The following DENND2A variants were observed in gnomAD, a reference collection of about 807,000 sequenced individuals.
DENND2A encodes DENN domain containing 2A, also known as DENN domain-containing protein 2A.
A neutral mutation model predicts 105.3 loss-of-function variants in DENND2A; 53 were observed. The ratio of observed to expected loss-of-function variants is 0.50; its 90% CI spans 0.40 to 0.63. DENND2A has a LOEUF of 0.63. Ranked by LOEUF, DENND2A falls within the 30% of genes least tolerant of loss-of-function variation. DENND2A has a pLI of 0.00. For synonymous variants in DENND2A, 522 were observed against 508.4 expected (o/e 1.03, Z -0.36); for missense variants, 1,138 against 1,279.6 (o/e 0.89, Z 1.69).
At chr7:140,569,789 G>A in intron 6 of DENND2A, 51 bp from the exon 7 acceptor site, 1 of 1,317,440 alleles carries the variant, frequency 7.6e-7, no homozygotes, top group Middle Eastern at 2.0e-4. Context: ...CACTCTCTGT[G>A]GCAGCTGGGC....
chr7:140,570,587 T>C (rs1798053065), intron 6 of DENND2A, among the ~76,000 whole-genome samples: 2 of 152,070 alleles, frequency 1.3e-5, no homozygotes, highest in African/African-American at 4.8e-5. Context: ...TGCAGCCCCA[T>C]CTGCAGAGGG....
At chr7:140,525,702 A>C in intron 16 of DENND2A, 49 bp downstream of exon 16, 4 of 1,544,502 alleles carry the variant, frequency 2.6e-6, no homozygotes, top group Non-Finnish European at 3.5e-6. Context: ...CCCAAACAAC[A>C]AATAGGTAAA....
rs269243 is a variant in DENND2A, at chr7:140,601,931, G to T, written c.467C>A (p.Pro156His). ...RLGKLRFQND[P>H]LSVLKQVKKL... ...CTTGACCTGCTTCAGCACGGAGAGG[G>T]GATCGTTCTGAAAGCGTAGCTTGCC... Residue 156 changes from proline (P) to histidine (H), a missense_variant, in exon 3 of 20, where the codon CCC becomes CAC. Around this residue, in one of 2 missense-constraint regions of DENND2A, gnomAD observed 511 missense variants for 499.9 expected, o/e 1.02. Coordinates refer to ENST00000496613, the MANE Select transcript of DENND2A (RefSeq NM_015689.5). 0.95 allele frequency: 1,526,831 copies of T among 1,614,106 alleles called. 722,509 individuals carry two copies. Among genetic ancestry groups the T allele is most frequent in the East Asian group, 1 (44,847 of 44,848 alleles).
At chr7:140,563,234 C>T (rs1797701901) in intron 9 of DENND2A, among the ~76,000 whole-genome samples, 1 of 152,304 alleles carries the variant, frequency 6.6e-6, no homozygotes, top group Non-Finnish European at 1.5e-5. Flanking sequence ...CTTGCATGCA[C>T]CCACCCCAGA....
Position 140,602,547 on chromosome 7 carries a change from A to G in DENND2A, c.-145-5T>C. 2 of 687,254 alleles carry G rather than the reference A, an allele frequency of 2.9e-6. No individual in the cohort carries two copies. The highest frequency in any genetic ancestry group is 4.4e-6 in the Non-Finnish European group (2 of 458,814). The allele number at this position is 687,254 out of a possible 1,614,324, so 42.6% of individuals were successfully genotyped here. ...CTTGGACCTTCCACCTTGACCCTGC[A>G]CAAGAAAGACAAACACCAGGTGAGT... On this transcript the variant is annotated splice_region_variant and splice_polypyrimidine_tract_variant and intron_variant, in intron 2 of 19. Transcript: ENST00000496613.
Position 140,527,752 on chromosome 7 carries a change from G to A in DENND2A, c.2328-257C>T, listed in dbSNP as rs1315459290. Among the ~76,000 whole-genome samples, 2 of 152,108 alleles carry A rather than the reference G, an allele frequency of 1.3e-5. No individual in the cohort carries two copies. The highest frequency in any genetic ancestry group is 6.5e-5 in the Admixed American group (1 of 15,280). ...ACAAGTGCGTTTCCACATGTGAGCT[G>A]CACGCCCTGCACTCTCCCGCCCTGA... On this transcript the variant is annotated intron_variant, in intron 14 of 19. Transcript: ENST00000496613. This position sits in a 1 kb window ranked among gnomAD's most constrained non-coding sequence, Gnocchi z 4.9.
At chr7:140,553,565 C>G (rs1382843812) in intron 12 of DENND2A, among the ~76,000 whole-genome samples, 2 of 152,166 alleles carry the variant, frequency 1.3e-5, no homozygotes, top group Non-Finnish European at 2.9e-5. Context: ...CTTTCCATTC[C>G]CAGGAGGCCA....
At chr7:140,612,156 G>A (rs776388788) in intron 1 of DENND2A, among the ~76,000 whole-genome samples, 16 of 151,808 alleles carry the variant, frequency 1.1e-4, no homozygotes, top group South Asian at 4.2e-4. Flanking sequence ...CAAGATAATC[G>A]CTTGAACCTG....
intron 1 of DENND2A, among the ~76,000 whole-genome samples, chr7:140,621,197 T>C (rs28687728): frequency 6.6e-6 from 1 of 150,722 alleles, no homozygotes; most frequent in Non-Finnish European, 1.5e-5. Flanking sequence ...CTCAGCTAAT[T>C]AAAAAATTTT....
chr7:140,563,698 A>T, intron 9 of DENND2A, among the ~76,000 whole-genome samples: 1 of 150,034 alleles, frequency 6.7e-6, no homozygotes, highest in East Asian at 1.9e-4. Flanking sequence ...AAAAAAAAAA[A>T]AAAAAAGCCA....
At chr7:140,526,417 C>G (rs537188318) in intron 15 of DENND2A, among the ~76,000 whole-genome samples, 3 of 152,214 alleles carry the variant, frequency 2.0e-5, no homozygotes, top group Non-Finnish European at 4.4e-5. Context: ...TCACTCAGAC[C>G]CCAGCCAAGG....
chr7:140,628,522 C>A (rs1356536783), intron 1 of DENND2A, among the ~76,000 whole-genome samples: 1 of 151,054 alleles, frequency 6.6e-6, no homozygotes, highest in South Asian at 2.1e-4. Flanking sequence ...TCCCCTTTGG[C>A]CTAAAATTTC....
chr7:140,634,966 A>AG (rs1800865946), intron 1 of DENND2A, among the ~76,000 whole-genome samples: 1 of 151,876 alleles, frequency 6.6e-6, no homozygotes, highest in African/African-American at 2.4e-5. Context: ...CGTCTCAAAA[A>AG]AAAAAAAAAA....
chr7:140,628,893 C>A (rs190622611), intron 1 of DENND2A, among the ~76,000 whole-genome samples: 10 of 152,200 alleles, frequency 6.6e-5, no homozygotes, highest in African/African-American at 2.4e-4. Context: ...TAAAACTAAT[C>A]AATATGATTA....
intron 5 of DENND2A, among the ~76,000 whole-genome samples, chr7:140,576,976 G>T (rs941214657): frequency 6.6e-6 from 1 of 152,132 alleles, no homozygotes; most frequent in Non-Finnish European, 1.5e-5. Flanking sequence ...CCTATGAAAA[G>T]GTCAGAGAAG....
Position 140,601,654 on chromosome 7 carries a change from C to T in DENND2A, c.744G>A (p.Glu248=), listed in dbSNP as rs1799504551. The change falls in exon 3 of 20, where the codon GAG becomes GAA. Residue 248 remains glutamate (E), a synonymous_variant. Coordinates refer to ENST00000496613, the MANE Select transcript of DENND2A (RefSeq NM_015689.5). ...SCRRPWDRSL[E]NVYRGSEGSP... ...AACCCTCCGAGCCCCTATACACGTT[C>T]TCAAGGCTCCGGTCCCAGGGCCTTC... 1.2e-6 allele frequency: 2 copies of T among 1,612,904 alleles called. No individual in the cohort carries two copies. The highest frequency in any genetic ancestry group is 4.5e-5 in the East Asian group (2 of 44,850).
intron 14 of DENND2A, among the ~76,000 whole-genome samples, chr7:140,534,139 C>A (rs1796372827): frequency 7.2e-6 from 1 of 139,168 alleles, no homozygotes; most frequent in South Asian, 2.3e-4. Flanking sequence ...GGCTGGAGTG[C>A]AATGGTGCGA....
chr7:140,532,245 G>A (rs541655981), intron 14 of DENND2A, among the ~76,000 whole-genome samples: 18 of 152,174 alleles, frequency 1.2e-4, no homozygotes, highest in Non-Finnish European at 2.5e-4. Context: ...CTCCAGTCTG[G>A]GCAACAGAGT....
At chr7:140,604,532 C>G (rs1799625031) in intron 2 of DENND2A, among the ~76,000 whole-genome samples, 2 of 152,216 alleles carry the variant, frequency 1.3e-5, no homozygotes, top group South Asian at 4.1e-4. Context: ...TTTGTTATCT[C>G]ACTGAGGGTT....
Sources: gnomAD v4.1 joint callset for allele counts (sites outside exome capture counted in the v4.1 genomes callset) on GRCh38, gnomAD v4.1.1 for gene constraint, gnomAD v4.1.1 regional missense constraint, Gnocchi (gnomAD v3.1) non-coding constraint, MANE v1.5 for transcripts, NCBI Gene and HGNC (gene_info 2026-07-23, HGNC 2026-07-21) for gene names.